GAB3: variants seen among roughly 807,000 people sequenced by gnomAD.
GAB3 encodes the protein GRB2-associated-binding protein 3.
A neutral mutation model predicts 40.4 loss-of-function variants in GAB3; 12 were observed. The ratio of observed to expected loss-of-function variants is 0.30; its 90% CI spans 0.19 to 0.48. The LOEUF is 0.48. Among genes scored for constraint, GAB3 ranks in the 20% least tolerant of loss-of-function variants. The pLI, the probability that GAB3 is intolerant of heterozygous loss-of-function variation, is 0.99. For missense variants in GAB3, 381 were observed against 461.9 expected (o/e 0.82, Z 1.61); for synonymous variants, 154 against 176.7 (o/e 0.87, Z 1.02).
chrX:154,720,004 C>T (rs782564568), intron 1 of GAB3, among the ~76,000 whole-genome samples: 7 of 111,673 alleles, frequency 6.3e-5, no homozygotes, highest in Non-Finnish European at 1.3e-4. Flanking sequence ...TAACAATGAA[C>T]CAAATATACA....
At chrX:154,687,124 G>A (rs1460615128) in intron 8 of GAB3, among the ~76,000 whole-genome samples, 2 of 110,243 alleles carry the variant, frequency 1.8e-5, no homozygotes, top group Non-Finnish European at 3.8e-5. Context: ...CCCGAGAAGG[G>A]GAGGTTGCAG....
At chrX:154,703,569 G>A (rs2070767045) in intron 4 of GAB3, among the ~76,000 whole-genome samples, 1 of 111,451 alleles carries the variant, frequency 9.0e-6, no homozygotes, top group Admixed American at 9.5e-5. Flanking sequence ...CTTAATACCT[G>A]GGTGATGAAA....
Position 154,695,957 on chromosome X carries a change from T to G in GAB3, c.1490A>C (p.Asn497Thr). 8.3e-7 allele frequency: 1 copy of G among 1,198,843 alleles called. No individual in the cohort carries two copies. The highest frequency in any genetic ancestry group is 1.1e-6 in the Non-Finnish European group (1 of 884,776). The change falls in exon 8 of 10, where the codon AAT (asparagine) becomes ACT (threonine). Residue 497 changes from asparagine (N) to threonine (T), a missense_variant. Asn to Thr is a moderately conservative substitution (Grantham distance 65, BLOSUM62 0). Coordinates refer to ENST00000424127, the MANE Select transcript of GAB3 (RefSeq NM_001081573.3). ...TTCTTCGTCTTCTCTGGAAACAGGA[T>G]TAGCAAAAAATCTTGCAGAATTAAT... is the stretch of plus-strand genomic sequence containing the variant. ...NGINSARFFA[N>T]PVSREDEESY...
chrX:154,697,732 G>C (rs2070683166), intron 6 of GAB3, among the ~76,000 whole-genome samples: 2 of 111,956 alleles, frequency 1.8e-5, no homozygotes, highest in African/African-American at 6.5e-5. Context: ...TCAAGTTCTT[G>C]TACTTACCCT....
rs1394488752 is a variant in GAB3 at position 154,743,148 on chromosome X, T to C, written c.72+7806A>G. Among the ~76,000 whole-genome samples the C allele has an allele frequency of 2.7e-5, 3 of 110,605 alleles. No homozygotes were observed. In the East Asian group the frequency reaches 8.4e-4, roughly 31 times the overall value. On this transcript the variant is annotated intron_variant, in intron 1 of 9. Transcript: ENST00000424127. ...ATCAAGCTAAATGTATTAATGTGTG[T>C]GTGTGTGTATTTCCTGATTGATAAA...
At chrX:154,710,665 C>A (rs2070928341) in intron 4 of GAB3, among the ~76,000 whole-genome samples, 1 of 111,802 alleles carries the variant, frequency 8.9e-6, no homozygotes, top group African/African-American at 3.3e-5. Flanking sequence ...AAAGGCAGAA[C>A]AATAAACTTT....
rs782667616 is a variant in GAB3, at chrX:154,699,027, G to A, written c.1345+267C>T. Among the ~76,000 whole-genome samples, 15 of 111,137 alleles carry A rather than the reference G, an allele frequency of 1.3e-4. No individual in the cohort carries two copies. In the South Asian group the frequency reaches 5.4e-3, roughly 40 times the overall value. ...CTTTGTTAGGGAAACAGCCAAAGAC[G>A]AGCCCTCTGGAATGAACTTGGCTTT... On this transcript the variant is annotated intron_variant, in intron 6 of 9. Transcript: ENST00000424127.
chrX:154,739,657 A>G (rs781912634), intron 1 of GAB3, among the ~76,000 whole-genome samples: 2 of 112,352 alleles, frequency 1.8e-5, no homozygotes, highest in Admixed American at 9.4e-5. Context: ...AAAATTAAAA[A>G]ATGGTTATTT....
upstream of GAB3, chrX:154,751,404 TTGCCCTCA>T: frequency 2.9e-6 from 1 of 344,529 alleles, no homozygotes; most frequent in Non-Finnish European, 3.8e-6. Flanking sequence ...CTGGAACCTG[TTGCCCTCA>T]TGCCCCATCC....
upstream of GAB3, chrX:154,751,518 G>A (rs2071618101): frequency 1.3e-6 from 1 of 749,893 alleles, no homozygotes. Context: ...CATAGTTCAC[G>A]GAGAAACAAA....
upstream of GAB3, chrX:154,751,131 C>A: frequency 1.4e-6 from 1 of 704,851 alleles, no homozygotes; most frequent in Non-Finnish European, 1.7e-6. Context: ...CCGCCCAGCG[C>A]CGCCCCGAGC....
intron 4 of GAB3, among the ~76,000 whole-genome samples, chrX:154,710,377 C>A (rs1557255514): frequency 8.9e-6 from 1 of 111,736 alleles, no homozygotes; most frequent in Non-Finnish European, 1.9e-5. Context: ...GGCAGGAGGA[C>A]TTGTCCTACT....
At chrX:154,711,491 G>C (rs1557255985) in intron 4 of GAB3, among the ~76,000 whole-genome samples, 1 of 111,687 alleles carries the variant, frequency 9.0e-6, no homozygotes, top group African/African-American at 3.3e-5. Context: ...CAGGTGGAAA[G>C]AAACAGGTGG....
chrX:154,687,798 C>G (rs1376053164), intron 8 of GAB3, among the ~76,000 whole-genome samples: 1 of 111,610 alleles, frequency 9.0e-6, no homozygotes, highest in Non-Finnish European at 1.9e-5. Flanking sequence ...TTAAAATTTA[C>G]TCCAAAGCTA....
At chrX:154,689,169 T>C (rs1253183701) in intron 8 of GAB3, among the ~76,000 whole-genome samples, 8 of 111,832 alleles carry the variant, frequency 7.2e-5, no homozygotes, top group Admixed American at 4.7e-4. Context: ...AAAAACCACA[T>C]GATTATCTCA....
Position 154,716,278 on chromosome X carries a change from G to A in GAB3, c.124C>T (p.Pro42Ser). The part of the protein sequence containing the change: ...VLRRGRMSGN[P>S]DVLEYYRNKH... Reference sequence around the variant, plus strand: ...TTCCTGTAGTACTCCAAGACATCGGGGTTGCCGCTCATGCGGCCTCGCCGG... The same window carrying A: ...TTCCTGTAGTACTCCAAGACATCGGAGTTGCCGCTCATGCGGCCTCGCCGG... The change falls in exon 2 of 10, where the codon CCC becomes TCC. Residue 42 changes from proline (P) to serine (S), a missense_variant. Pro to Ser is a moderately conservative substitution (Grantham distance 74). Transcript: ENST00000424127. The A allele has an allele frequency of 8.2e-7, 1 of 1,212,431 alleles. No homozygotes were observed. The highest frequency in any genetic ancestry group is 1.1e-6 in the Non-Finnish European group (1 of 895,561).
At chrX:154,709,644 AC>A (rs1557255103) in intron 4 of GAB3, among the ~76,000 whole-genome samples, 4 of 109,705 alleles carry the variant, frequency 3.6e-5, no homozygotes, top group African/African-American at 6.6e-5. Context: ...CCATTCTCAT[AC>A]TGAGAATGGA....
intron 1 of GAB3, among the ~76,000 whole-genome samples, chrX:154,738,491 T>C (rs1189077270): frequency 8.9e-6 from 1 of 112,234 alleles, no homozygotes; most frequent in Non-Finnish European, 1.9e-5. Context: ...ACACGATTAT[T>C]TGGGCAGCAT....
intron 8 of GAB3, among the ~76,000 whole-genome samples, chrX:154,689,715 T>C (rs2070521885): frequency 9.0e-6 from 1 of 110,537 alleles, no homozygotes; most frequent in Non-Finnish European, 1.9e-5. Context: ...ACAAGGGATA[T>C]GAAGGACCTC....
Sources: gnomAD v4.1 joint callset for allele counts (sites outside exome capture counted in the v4.1 genomes callset) on GRCh38, gnomAD v4.1.1 for gene constraint, MANE v1.5 for transcripts, NCBI Gene and HGNC (gene_info 2026-07-23, HGNC 2026-07-21) for gene names.